MYO1D: variants seen among roughly 807,000 people sequenced by gnomAD.
MYO1D encodes unconventional myosin-Id.
In MYO1D, 83 loss-of-function variants were observed where a neutral mutation model predicts 122.0. The ratio of observed to expected loss-of-function variants is 0.68; its 90% CI spans 0.57 to 0.82. The LOEUF is 0.82. Ranked by LOEUF, MYO1D falls within the 40% of genes least tolerant of loss-of-function variation. MYO1D has a pLI of 0.00. For missense variants in MYO1D, 1,157 were observed against 1,269.5 expected, an observed-to-expected ratio of 0.91 and a Z score of 1.35; for synonymous variants, 464 against 446.9, an observed-to-expected ratio of 1.04 and a Z score of -0.48.
intron 21 of MYO1D, chr17:32,594,444 T>C (rs2087470838): frequency 2.1e-6 from 1 of 466,058 alleles, no homozygotes; most frequent in African/African-American, 2.0e-5. Flanking sequence ...TTCAAATAAT[T>C]GAACACTTTT....
chr17:32,494,873 C>T lies in MYO1D; in HGVS notation c.2907G>A (p.Gln969=). Residue 969 remains glutamine, a synonymous_variant, in exon 22 of 22, where the codon CAG becomes CAA. Coordinates refer to ENST00000318217, the MANE Select transcript of MYO1D (RefSeq NM_015194.3). ...HLQVNVTNPV[Q]CSLHGKKCTV... ...TGCACTTCTTCCCGTGCAGGCTGCA[C>T]TGTACTGGGTTGGTGACGTTCACTT... 1 of 1,614,050 alleles carries T rather than the reference C, an allele frequency of 6.2e-7. No individual in the cohort carries two copies. Among genetic ancestry groups the T allele is most frequent in the South Asian group, 1.1e-5 (1 of 91,072 alleles).
At chr17:32,838,935 T>A (rs2090852484) in intron 1 of MYO1D, among the ~76,000 whole-genome samples, 1 of 152,200 alleles carries the variant, frequency 6.6e-6, no homozygotes, top group Non-Finnish European at 1.5e-5. Context: ...CCAATTGTGA[T>A]TTTATTTGGA....
chr17:32,551,186 G>T (rs1421416394), intron 21 of MYO1D, among the ~76,000 whole-genome samples: 1 of 152,144 alleles, frequency 6.6e-6, no homozygotes, highest in Non-Finnish European at 1.5e-5. Context: ...CTGTAGAATT[G>T]TCCCAAACTA....
chr17:32,729,702 GGCTGAACATA>G (rs1598046164), intron 14 of MYO1D, among the ~76,000 whole-genome samples: 1 of 152,168 alleles, frequency 6.6e-6, no homozygotes, highest in East Asian at 1.9e-4. Flanking sequence ...ACAGTCATAA[GGCTGAACATA>G]GCTTCTGGCT....
At chr17:32,711,414 G>A (rs916166090) in intron 16 of MYO1D, among the ~76,000 whole-genome samples, 83 of 152,210 alleles carry the variant, frequency 5.5e-4, no homozygotes, top group African/African-American at 1.7e-3. Flanking sequence ...TTGGGAGGCC[G>A]AGGTGGGCAG....
At chr17:32,535,358 G>A (rs531088623) in intron 21 of MYO1D, among the ~76,000 whole-genome samples, 1 of 152,272 alleles carries the variant, frequency 6.6e-6, no homozygotes, top group Admixed American at 6.5e-5. Context: ...CACTTGCAAC[G>A]TAAACCATGT....
chr17:32,495,651 A>C (rs939007687), intron 21 of MYO1D: 2 of 152,350 alleles, frequency 1.3e-5, no homozygotes, highest in African/African-American at 4.8e-5. Flanking sequence ...AGCTCCTCAC[A>C]CGACGCTGAA....
intron 20 of MYO1D, among the ~76,000 whole-genome samples, chr17:32,611,741 G>A (rs2087705003): frequency 6.6e-6 from 1 of 152,118 alleles, no homozygotes; most frequent in South Asian, 2.1e-4. Context: ...CAGGAGGCTG[G>A]GGCAGGAGAA....
At chr17:32,696,754 G>GT (rs2089178594) in intron 16 of MYO1D, among the ~76,000 whole-genome samples, 1 of 152,200 alleles carries the variant, frequency 6.6e-6, no homozygotes, top group African/African-American at 2.4e-5. Flanking sequence ...GGCTGTTTTA[G>GT]TAATTCCAAA....
chr17:32,840,550 G>C (rs1252862700), intron 1 of MYO1D, among the ~76,000 whole-genome samples: 1 of 152,138 alleles, frequency 6.6e-6, no homozygotes, highest in Non-Finnish European at 1.5e-5. Context: ...AAAGAACTAA[G>C]GAAATGTTTT....
At chr17:32,641,151 G>A (rs1028760313) in intron 19 of MYO1D, among the ~76,000 whole-genome samples, 30 of 138,452 alleles carry the variant, frequency 2.2e-4, no homozygotes, top group African/African-American at 7.9e-4. Flanking sequence ...TGTTCTCATT[G>A]TTCCATTCCC....
intron 1 of MYO1D, among the ~76,000 whole-genome samples, chr17:32,807,391 T>C (rs1262673354): frequency 6.6e-6 from 1 of 152,164 alleles, no homozygotes; most frequent in Non-Finnish European, 1.5e-5. Context: ...TTATATATAA[T>C]ATGTAAAATA....
intron 16 of MYO1D, among the ~76,000 whole-genome samples, chr17:32,695,686 A>C (rs1382945345): frequency 1.3e-5 from 2 of 152,206 alleles, no homozygotes; most frequent in East Asian, 3.8e-4. Flanking sequence ...CAGGGATCAA[A>C]ATTTGATTGG....
At chr17:32,510,927 C>G (rs536636652) in intron 21 of MYO1D, 1 of 149,564 alleles carries the variant, frequency 6.7e-6, no homozygotes, top group East Asian at 2.0e-4. Flanking sequence ...AAGAACAAAA[C>G]TATACCCACA....
At chr17:32,651,519 C>G (rs544321653) in intron 19 of MYO1D, among the ~76,000 whole-genome samples, 2 of 152,242 alleles carry the variant, frequency 1.3e-5, no homozygotes, top group East Asian at 3.9e-4. Context: ...GAAAGTCTCT[C>G]AAGACAGAAA....
At chr17:32,875,630 G>C (rs1438892969) in intron 1 of MYO1D, among the ~76,000 whole-genome samples, 6 of 152,136 alleles carry the variant, frequency 3.9e-5, no homozygotes, top group Admixed American at 2.0e-4. Flanking sequence ...TATAAAAGTT[G>C]TACATCCAAA....
Position 32,876,929 on chromosome 17 carries a change from GC to G in MYO1D, c.-58del. 1.7e-6 allele frequency: 2 copies of G among 1,152,716 alleles called. No homozygotes were observed. 71.4% of individuals were successfully genotyped at this position (1,152,716 alleles called of 1,614,324 possible). ...TCGGGCCTCCGGGGCCGCTCCGTGG[GC>G]CCGCGATGAGCTCGGGAGGGGCCGG... On this transcript the variant is annotated 5_prime_UTR_variant, in exon 1 of 22. Coordinates refer to ENST00000318217, the MANE Select transcript of MYO1D (RefSeq NM_015194.3).
chr17:32,674,183 T>C (rs2088769689), intron 16 of MYO1D, among the ~76,000 whole-genome samples: 1 of 152,128 alleles, frequency 6.6e-6, no homozygotes, highest in Non-Finnish European at 1.5e-5. Context: ...GAAACGGCCC[T>C]ACTTTGGAGG....
intron 20 of MYO1D, among the ~76,000 whole-genome samples, chr17:32,629,617 T>C (rs1272000132): frequency 6.6e-6 from 1 of 151,978 alleles, no homozygotes; most frequent in Admixed American, 6.6e-5. Flanking sequence ...GCGCCTGTAA[T>C]TCCAGCTACT....
Sources: gnomAD v4.1 joint callset for allele counts (sites outside exome capture counted in the v4.1 genomes callset) on GRCh38, gnomAD v4.1.1 for gene constraint, MANE v1.5 for transcripts, NCBI Gene and HGNC (gene_info 2026-07-23, HGNC 2026-07-21) for gene names.